MICU3: variants seen among roughly 807,000 people sequenced by gnomAD.
MICU3 encodes the protein mitochondrial calcium uptake 3, also known as calcium uptake protein 3, mitochondrial.
Under a neutral mutation model 66.5 loss-of-function variants are expected in MICU3, and 62 were observed. That is an observed-to-expected ratio of 0.93 (90% CI 0.76 to 1.15). The LOEUF is 1.15. MICU3 is among the 50% of genes most tolerant of loss of function. The pLI is 0.00. For missense variants in MICU3, 779 were observed against 664.4 expected, an observed-to-expected ratio of 1.17 and a Z score of -1.90; for synonymous variants, 308 against 240.7, an observed-to-expected ratio of 1.28 and a Z score of -2.59.
chr8:17,095,661 T>C (rs2150781183), intron 8 of MICU3, among the ~76,000 whole-genome samples: 1 of 152,066 alleles, frequency 6.6e-6, no homozygotes, highest in Admixed American at 6.6e-5. Context: ...GCCATTATTC[T>C]GCTTAGCACA....
chr8:17,054,738 C>CTT (rs559605289), intron 1 of MICU3, among the ~76,000 whole-genome samples: 10,564 of 122,652 alleles, frequency 0.086, 753 homozygotes, highest in East Asian at 0.36. Context: ...TTCTTTCTTT[C>CTT]TTTTTTTTTT....
At chr8:17,088,237 T>C (rs1222117392) in intron 7 of MICU3, among the ~76,000 whole-genome samples, 1 of 151,966 alleles carries the variant, frequency 6.6e-6, no homozygotes, top group Admixed American at 6.6e-5. Context: ...ACAAAGCTTA[T>C]GGAAGACAGT....
At chr8:17,053,860 A>C (rs901655869) in intron 1 of MICU3, among the ~76,000 whole-genome samples, 1 of 152,226 alleles carries the variant, frequency 6.6e-6, no homozygotes, top group Admixed American at 6.5e-5. Context: ...GGCAATTCCC[A>C]TAAAATAATT....
intron 4 of MICU3, among the ~76,000 whole-genome samples, chr8:17,080,935 G>A (rs1465408155): frequency 1.3e-5 from 2 of 152,138 alleles, no homozygotes; most frequent in Non-Finnish European, 2.9e-5. Context: ...GATTACTGAT[G>A]TCAATCTTCT....
At chr8:17,089,770 G>A (rs1372581703) in intron 7 of MICU3, among the ~76,000 whole-genome samples, 6 of 151,998 alleles carry the variant, frequency 3.9e-5, no homozygotes, top group Non-Finnish European at 8.8e-5. Context: ...AAAGCACATA[G>A]CTACTTAACC....
At chr8:17,117,702 G>A (rs1007217878) in intron 13 of MICU3, among the ~76,000 whole-genome samples, 6 of 148,378 alleles carry the variant, frequency 4.0e-5, no homozygotes, top group African/African-American at 1.2e-4. Context: ...TCCGCCTCCC[G>A]GGTTCAAGAG....
chr8:17,101,916 C>T (rs1412884072), intron 9 of MICU3, among the ~76,000 whole-genome samples: 4 of 152,012 alleles, frequency 2.6e-5, no homozygotes, highest in African/African-American at 9.6e-5. Flanking sequence ...ACTTACTGAG[C>T]ATTTACAGTA....
At chr8:17,137,118 C>T in the MICU3 span, among the ~76,000 whole-genome samples, 10 of 152,148 alleles carry the variant, frequency 6.6e-5, no homozygotes, top group African/African-American at 1.9e-4. Context: ...CCACCACTCC[C>T]GTCCAAACCT....
intron 1 of MICU3, among the ~76,000 whole-genome samples, chr8:17,045,654 A>C (rs1026419249): frequency 6.6e-6 from 1 of 152,208 alleles, no homozygotes; most frequent in Non-Finnish European, 1.5e-5. Context: ...CCCATACTCT[A>C]TCCTACACAT....
intron 1 of MICU3, among the ~76,000 whole-genome samples, chr8:17,060,682 A>T (rs1360613980): frequency 1.3e-5 from 2 of 152,084 alleles, no homozygotes; most frequent in Non-Finnish European, 2.9e-5. Context: ...TGTGTGCTTT[A>T]TTATACTAAA....
intron 1 of MICU3, among the ~76,000 whole-genome samples, chr8:17,040,218 AT>A (rs1433688936): frequency 1.3e-5 from 2 of 152,086 alleles, no homozygotes; most frequent in Non-Finnish European, 2.9e-5. Context: ...CCATTATCAT[AT>A]TTTTAACCTT....
intron 8 of MICU3, among the ~76,000 whole-genome samples, chr8:17,092,952 A>G (rs1365623001): frequency 6.6e-6 from 1 of 152,032 alleles, no homozygotes; most frequent in Non-Finnish European, 1.5e-5. Flanking sequence ...TCCTCAGGGA[A>G]AGCAGTGACC....
At chr8:17,094,188 A>G (rs1269007499) in intron 8 of MICU3, among the ~76,000 whole-genome samples, 1 of 151,998 alleles carries the variant, frequency 6.6e-6, no homozygotes, top group Admixed American at 6.6e-5. Context: ...TCTTGGACCC[A>G]ACGTCATGAT....
At chr8:17,041,390 C>T (rs1814064270) in intron 1 of MICU3, among the ~76,000 whole-genome samples, 1 of 151,932 alleles carries the variant, frequency 6.6e-6, no homozygotes. Context: ...GATAGAAATA[C>T]AAAGTGTGCA....
intron 13 of MICU3, among the ~76,000 whole-genome samples, chr8:17,117,399 A>G (rs898215858): frequency 6.6e-6 from 1 of 152,216 alleles, no homozygotes; most frequent in Non-Finnish European, 1.5e-5. Flanking sequence ...GAAATCTTAC[A>G]GTAAAAAATA....
chr8:17,088,955 C>T (rs1335125553), intron 7 of MICU3, among the ~76,000 whole-genome samples: 1 of 151,758 alleles, frequency 6.6e-6, no homozygotes, highest in East Asian at 1.9e-4. Flanking sequence ...CTAAATTATA[C>T]CAGCATACCC....
intron 1 of MICU3, among the ~76,000 whole-genome samples, chr8:17,036,258 T>C (rs929803374): frequency 7.9e-5 from 12 of 152,102 alleles, no homozygotes; most frequent in Non-Finnish European, 1.8e-4. Flanking sequence ...GTGGTCTTGC[T>C]GGGCTCAGGA....
chr8:17,113,411 C>T (rs1461242615), intron 11 of MICU3, among the ~76,000 whole-genome samples: 1 of 152,238 alleles, frequency 6.6e-6, no homozygotes. Context: ...ACTGAAGTAA[C>T]AGCAGTGGCA....
chr8:17,086,543 A>G (rs1190345104), intron 6 of MICU3, among the ~76,000 whole-genome samples: 2 of 152,108 alleles, frequency 1.3e-5, no homozygotes, highest in Middle Eastern at 3.2e-3. Context: ...AAAATGGCCA[A>G]GGTTAGTGTT....
Sources: allele counts gnomAD v4.1 joint callset (sites outside exome capture counted in the v4.1 genomes callset), GRCh38; gene constraint gnomAD v4.1.1; transcripts MANE v1.5; gene names NCBI Gene and HGNC (gene_info 2026-07-23, HGNC 2026-07-21).